Variants in MYO5A observed in about 807,000 individuals in gnomAD.
MYO5A encodes unconventional myosin-Va.
MYO5A carries 98 observed loss-of-function variants against 249.7 expected under a neutral mutation model. That is an observed-to-expected ratio of 0.39 (90% CI 0.33 to 0.46). The LOEUF is 0.46. MYO5A is among the 20% of genes least tolerant of loss of function. MYO5A has a pLI of 0.98. For synonymous variants in MYO5A, 778 were observed against 810.6 expected (o/e 0.96, Z 0.68); for missense variants, 1,696 against 2,308.8 (o/e 0.73, Z 5.44).
intron 1 of MYO5A, among the ~76,000 whole-genome samples, chr15:52,506,450 C>A (rs999921887): frequency 2.6e-5 from 4 of 151,690 alleles, no homozygotes; most frequent in African/African-American, 9.7e-5. Context: ...TCACTTGAAC[C>A]TGGGAAGTGG....
At chr15:52,368,119 G>A (rs2040906074) in intron 22 of MYO5A, among the ~76,000 whole-genome samples, 1 of 152,196 alleles carries the variant, frequency 6.6e-6, no homozygotes, top group African/African-American at 2.4e-5. Context: ...ATAATAGGGA[G>A]AGAACTGGCA....
chr15:52,348,793 TAAA>T, intron 29 of MYO5A, 22 bp downstream of exon 29: 4 of 1,236,278 alleles, frequency 3.2e-6, no homozygotes, highest in South Asian at 1.5e-5. Flanking sequence ...AAGTATTTAC[TAAA>T]AAAAAAAAAA....
rs182960481 is a variant in MYO5A at position 52,333,286 on chromosome 15, T to C, written c.4409-2787A>G. Among the ~76,000 whole-genome samples, 423 of 152,306 alleles carry C rather than the reference T, an allele frequency of 2.8e-3. 5 individuals carry two copies. Among genetic ancestry groups the C allele is most frequent in the African/African-American group, 9.7e-3 (404 of 41,576 alleles). On this transcript the variant is annotated intron_variant, in intron 34 of 41. Transcript: ENST00000399233. ...TCATTTTCTAGATTCTTTATAAACT[T>C]GAGGGAACCTTTCTGTCTTCAAAAA...
intron 1 of MYO5A, among the ~76,000 whole-genome samples, chr15:52,486,643 T>C (rs2076826717): frequency 6.6e-6 from 1 of 152,166 alleles, no homozygotes; most frequent in Admixed American, 6.5e-5. Context: ...GGTAAAAGTC[T>C]TTAAAAAGAG....
At chr15:52,321,852 T>G (rs2140931871) in intron 37 of MYO5A, among the ~76,000 whole-genome samples, 1 of 150,424 alleles carries the variant, frequency 6.6e-6, no homozygotes, top group Non-Finnish European at 1.5e-5. Flanking sequence ...AGGTTTACTG[T>G]CAAACACTAA....
At chr15:52,450,231 A>G (rs943074661) in intron 1 of MYO5A, among the ~76,000 whole-genome samples, 3 of 152,090 alleles carry the variant, frequency 2.0e-5, no homozygotes, top group African/African-American at 4.8e-5. Context: ...ATTGCCTACA[A>G]TGAGGGTAAT....
At chr15:52,519,873 G>C (rs893822461) in intron 1 of MYO5A, among the ~76,000 whole-genome samples, 1 of 151,894 alleles carries the variant, frequency 6.6e-6, no homozygotes, top group African/African-American at 2.4e-5. Flanking sequence ...TGGGATTACA[G>C]GCACACGCCA....
chr15:52,390,177 G>T (rs2042156712), intron 12 of MYO5A, among the ~76,000 whole-genome samples: 1 of 152,104 alleles, frequency 6.6e-6, no homozygotes, highest in Non-Finnish European at 1.5e-5. Flanking sequence ...GCAAATGGGG[G>T]ATGGTTAATA....
chr15:52,514,034 G>A (rs1338385669), intron 1 of MYO5A, among the ~76,000 whole-genome samples: 2 of 152,198 alleles, frequency 1.3e-5, no homozygotes, highest in Admixed American at 1.3e-4. Flanking sequence ...CAGTAGAAGA[G>A]GGGAAGCACA....
chr15:52,440,253 A>G (rs2075757964), intron 1 of MYO5A, among the ~76,000 whole-genome samples: 1 of 150,068 alleles, frequency 6.7e-6, no homozygotes, highest in African/African-American at 2.4e-5. Context: ...GGCACCAGCC[A>G]TCTTTTTTTT....
In MYO5A at chr15:52,364,538, A is replaced by G. The variant is rs1489714031; in HGVS notation, c.3309+16T>C. 3 of 1,601,846 alleles carry G rather than the reference A, an allele frequency of 1.9e-6. No individual in the cohort carries two copies. The highest frequency in any genetic ancestry group is 2.5e-6 in the Non-Finnish European group (3 of 1,176,592). On this transcript the variant is annotated intron_variant, in intron 24 of 41. Coordinates refer to ENST00000399233, the MANE Select transcript of MYO5A (RefSeq NM_001382347.1). ...AAAATTTTTCATTAAAAAAAAAACA[A>G]AAGTGTTTGACTCACCACCATAAGG...
intron 1 of MYO5A, among the ~76,000 whole-genome samples, chr15:52,460,130 A>G (rs1268304071): frequency 1.6e-5 from 2 of 121,368 alleles, no homozygotes; most frequent in Non-Finnish European, 3.4e-5. Context: ...AGACGGGATG[A>G]CGGCCGGGAA....
intron 25 of MYO5A, among the ~76,000 whole-genome samples, chr15:52,354,593 T>C (rs1303823669): frequency 6.6e-6 from 1 of 152,164 alleles, no homozygotes; most frequent in Admixed American, 6.5e-5. Context: ...CGGTGGCTCA[T>C]GCCTGTAATC....
intron 2 of MYO5A, 66 bp downstream of exon 2, chr15:52,433,109 G>A (rs560732394): frequency 1.4e-4 from 170 of 1,197,376 alleles, no homozygotes; most frequent in Middle Eastern, 1.9e-4. Flanking sequence ...TTACTTCACA[G>A]TAAATTTACA....
intron 25 of MYO5A, among the ~76,000 whole-genome samples, chr15:52,354,231 C>T (rs866268145): frequency 1.3e-5 from 2 of 152,160 alleles, no homozygotes; most frequent in Non-Finnish European, 2.9e-5. Context: ...ATCAGACTGG[C>T]AAAGACTAAA....
At position 52,313,617 on chromosome 15, in the gene MYO5A, T is replaced by C. The variant is rs1233964892; in HGVS notation, c.*79A>G. 49 of 1,546,628 alleles carry C rather than the reference T, an allele frequency of 3.2e-5. No homozygotes were observed. Among genetic ancestry groups the C allele is most frequent in the Middle Eastern group, 1.9e-4 (1 of 5,304 alleles). On this transcript the variant is annotated 3_prime_UTR_variant, in exon 42 of 42. Coordinates refer to ENST00000399233, the MANE Select transcript of MYO5A (RefSeq NM_001382347.1). ...TCAGTACTTTCTCTTTAAAAATGTA[T>C]TTTCAGTAACTCACTGGAAATAATG... is the stretch of plus-strand genomic sequence containing the variant.
intron 29 of MYO5A, 127 bp from the exon 30 acceptor site, chr15:52,346,588 CA>C (rs757583959): frequency 1.7e-5 from 12 of 715,104 alleles, no homozygotes; most frequent in Non-Finnish European, 3.0e-5. Flanking sequence ...CCCACCAAAG[CA>C]TCAGCCCCAA....
At chr15:52,381,740 T>C (rs913297249) in intron 16 of MYO5A, among the ~76,000 whole-genome samples, 3 of 150,604 alleles carry the variant, frequency 2.0e-5, no homozygotes, top group African/African-American at 4.9e-5. Flanking sequence ...ACAGCAATCA[T>C]AGCACAAGGC....
chr15:52,380,595 C>T (rs1037143119), intron 16 of MYO5A, among the ~76,000 whole-genome samples: 11 of 151,788 alleles, frequency 7.2e-5, no homozygotes, highest in Admixed American at 7.2e-4. Context: ...GGTGAAACCC[C>T]GTCTCTACAA....
Sources: allele counts gnomAD v4.1 joint callset (sites outside exome capture counted in the v4.1 genomes callset), GRCh38; gene constraint gnomAD v4.1.1; transcripts MANE v1.5; gene names NCBI Gene and HGNC (gene_info 2026-07-23, HGNC 2026-07-21).